The following PRC1 variants were observed in gnomAD, a reference collection of about 807,000 sequenced individuals.
PRC1 encodes the protein anaphase spindle elongation 1 homolog.
A neutral mutation model predicts 91.2 loss-of-function variants in PRC1; 54 were observed. The ratio of observed to expected loss-of-function variants is 0.59; its 90% CI spans 0.48 to 0.74. The LOEUF is 0.74. Ranked by LOEUF, PRC1 falls within the 30% of genes least tolerant of loss-of-function variation. The probability of loss-of-function intolerance (pLI) is 0.00; values close to 1 mark genes in which losing one functional copy is unlikely to be tolerated. For synonymous variants in PRC1, 275 were observed against 263.6 expected (o/e 1.04, Z -0.42); for missense variants, 727 against 746.2 (o/e 0.97, Z 0.30).
chr15:90,984,024 T>C lies in PRC1; in HGVS notation c.261A>G (p.Pro87=). Residue 87 remains proline, a synonymous_variant, in exon 3 of 15, where the codon CCA becomes CCG. Coordinates refer to ENST00000394249, the MANE Select transcript of PRC1 (RefSeq NM_003981.4). The surrounding 1 kb of genome is among the most constrained non-coding windows in gnomAD (Gnocchi z 5.1). ...NTLCSELHVE[P]FQEEGETTIL... is the part of the protein sequence containing the mutation. The stretch of plus-strand genomic sequence containing the variant: ...CCTGTGGGCTGCCACGGACCTGAAA[T>C]GGCTCAACATGTAACTCGCTGCACA... 1.2e-6 allele frequency: 2 copies of C among 1,614,024 alleles called. No individual in the cohort carries two copies. Among genetic ancestry groups the C allele is most frequent in the Non-Finnish European group, 1.7e-6 (2 of 1,179,900 alleles).
intron 14 of PRC1, chr15:90,968,416 C>CT: frequency 1.0e-5 from 10 of 985,876 alleles, no homozygotes; most frequent in Non-Finnish European, 1.2e-5. Context: ...TCAATATCCC[C>CT]TCAAGGGTGA....
intron 1 of PRC1, among the ~76,000 whole-genome samples, chr15:90,986,983 G>C (rs1172381323): frequency 6.6e-6 from 1 of 151,694 alleles, no homozygotes; most frequent in Non-Finnish European, 1.5e-5. Flanking sequence ...TTCAAAAACA[G>C]GCAAAACTGG....
intron 1 of PRC1, among the ~76,000 whole-genome samples, chr15:90,993,430 T>C (rs949020931): frequency 6.6e-6 from 1 of 152,164 alleles, no homozygotes; most frequent in Non-Finnish European, 1.5e-5. Context: ...ATTCTCATTA[T>C]TCTGAGGGCA....
intron 7 of PRC1, among the ~76,000 whole-genome samples, chr15:90,979,553 C>T (rs574795433): frequency 9.9e-5 from 15 of 152,180 alleles, no homozygotes; most frequent in Admixed American, 3.3e-4. Flanking sequence ...TCATCTCTTG[C>T]CTTGTCTTCG....
chr15:90,971,269 A>C (rs886848276), intron 11 of PRC1, among the ~76,000 whole-genome samples: 5 of 152,204 alleles, frequency 3.3e-5, no homozygotes, highest in African/African-American at 9.7e-5. Context: ...GTCAAAACTT[A>C]TTATATGCTA....
At position 90,984,131 on chromosome 15, in the gene PRC1, C is replaced by G; in HGVS notation, c.154G>C (p.Asp52His). Reference sequence around the variant, plus strand: ...CTTTCCTCTTCAGCAATCATCATATCCAGGAGTTCCTACAAGAGGGAAAAC... The same window carrying G: ...CTTTCCTCTTCAGCAATCATCATATGCAGGAGTTCCTACAAGAGGGAAAAC... ...VVKKHIKELL[D>H]MMIAEEESLK... The change falls in exon 3 of 15, where the codon GAT (aspartate) becomes CAT (histidine). Residue 52 changes from aspartate to histidine, a missense_variant. Asp to His is a moderately conservative substitution (Grantham distance 81). Transcript: ENST00000394249. The surrounding 1 kb of genome is among the most constrained non-coding windows in gnomAD (Gnocchi z 5.1). The G allele has an allele frequency of 6.2e-7, 1 of 1,614,076 alleles. No individual in the cohort carries two copies.
At chr15:90,972,185 CAAAAAAA>C (rs79751458) in intron 11 of PRC1, among the ~76,000 whole-genome samples, 1 of 58,628 alleles carries the variant, frequency 1.7e-5, no homozygotes, top group African/African-American at 5.6e-5. Flanking sequence ...TACTGAAACT[CAAAAAAA>C]AAAAAAAAAA....
intron 6 of PRC1, 72 bp downstream of exon 6, chr15:90,980,812 A>G: frequency 6.3e-7 from 1 of 1,594,818 alleles, no homozygotes; most frequent in Non-Finnish European, 8.6e-7. Context: ...GGCCAAATCA[A>G]CAACAGTCTT....
chr15:90,987,664 G>C (rs1358355809), intron 1 of PRC1: 1 of 152,186 alleles, frequency 6.6e-6, no homozygotes, highest in East Asian at 1.9e-4. Context: ...CCTGGCACCA[G>C]AGAAACTACA....
chr15:90,991,326 G>A (rs530915737), intron 1 of PRC1, among the ~76,000 whole-genome samples: 2 of 151,650 alleles, frequency 1.3e-5, no homozygotes, highest in Admixed American at 6.6e-5. Flanking sequence ...TGAGGCAGGA[G>A]AATCACTTGA....
At position 90,974,395 on chromosome 15, in the gene PRC1, C is replaced by A; in HGVS notation, c.1351-149G>T. On this transcript the variant is annotated intron_variant, in intron 10 of 14. Transcript: ENST00000394249. The surrounding 1 kb of genome is among the most constrained non-coding windows in gnomAD (Gnocchi z 4.6). ...GGCTCCCCGTTCCACAAGCCCCGGT[C>A]CCCGGCTCCCCGTTCCACAAGCCCC... 1 of 1,083,936 alleles carries A rather than the reference C, an allele frequency of 9.2e-7. No individual in the cohort carries two copies. Among genetic ancestry groups the A allele is most frequent in the Non-Finnish European group, 1.3e-6 (1 of 758,412 alleles). 67.1% of individuals were successfully genotyped at this position (1,083,936 alleles called of 1,614,324 possible).
rs1419973513 is a variant in PRC1 at position 90,974,168 on chromosome 15, G to A, written c.1429C>T (p.Leu477=). ...GCTTTGCCCGGTGTATTGGGAGCCAGTCCTCGCCGCTTGCTAGGTGTTCGA... is the reference window on the plus strand; with the variant it reads ...GCTTTGCCCGGTGTATTGGGAGCCAATCCTCGCCGCTTGCTAGGTGTTCGA... The part of the protein sequence containing the change: ...APRTPSKRRG[L]APNTPGKARK... Residue 477 remains leucine (L), a synonymous_variant, in exon 11 of 15, where the codon CTG becomes TTG. Coordinates refer to ENST00000394249, the MANE Select transcript of PRC1 (RefSeq NM_003981.4). This position sits in a 1 kb window ranked among gnomAD's most constrained non-coding sequence, Gnocchi z 4.6. 6.2e-7 allele frequency: 1 copy of A among 1,614,164 alleles called. No homozygotes were observed. Among genetic ancestry groups the A allele is most frequent in the African/African-American group, 1.3e-5 (1 of 75,048 alleles).
Position 90,966,712 on chromosome 15 carries a change from T to C in PRC1, c.*419A>G, listed in dbSNP as rs1033055383. On this transcript the variant is annotated 3_prime_UTR_variant, in exon 15 of 15. Transcript: ENST00000394249. The stretch of plus-strand genomic sequence containing the variant: ...AAAGCTATGATAGCTACAGCATTAA[T>C]TGAACATGCCTAAACAAAAAAGATG... The C allele has an allele frequency of 8.2e-5, 37 of 453,426 alleles. No individual in the cohort carries two copies. The highest frequency in any genetic ancestry group is 1.4e-4 in the African/African-American group (7 of 50,038). 28.1% of individuals were successfully genotyped at this position (453,426 alleles called of 1,614,324 possible).
Position 90,981,964 on chromosome 15 carries a change from GGTC to G in PRC1, c.282_284del (p.Thr95del), listed in dbSNP as rs1555454121. 6.2e-7 allele frequency: 1 copy of G among 1,613,808 alleles called. No individual in the cohort carries two copies. Among genetic ancestry groups the G allele is most frequent in the Non-Finnish European group, 8.5e-7 (1 of 1,179,960 alleles). ...GCAAATCTTTTTCTAGTTGCAAGAT[GGTC>G]GTCTCTCCTTCTTCCTGAATAAGAC... On this transcript the variant is annotated inframe_deletion, in exon 4 of 15. Coordinates refer to ENST00000394249, the MANE Select transcript of PRC1 (RefSeq NM_003981.4).
In PRC1 at chr15:90,993,070, C is replaced by CAAAAAAAAA. The variant is rs67427806; in HGVS notation, c.11+1328_11+1336dup. On this transcript the variant is annotated intron_variant, in intron 1 of 14. Coordinates refer to ENST00000394249, the MANE Select transcript of PRC1 (RefSeq NM_003981.4). ...TGGGCGACAGAGTGAGACCCCGTCT[C>CAAAAAAAAA]AAAAAAAAAAAAAAAAAAAAAAAAA... Among the ~76,000 whole-genome samples the CAAAAAAAAA allele has an allele frequency of 1.9e-4, 6 of 30,942 alleles. 1 individual carries two copies. Among genetic ancestry groups the CAAAAAAAAA allele is most frequent in the Non-Finnish European group, 3.2e-4 (5 of 15,506 alleles). 20.3% of individuals were successfully genotyped at this position (30,942 alleles called of 152,430 possible).
At position 90,984,476 on chromosome 15, in the gene PRC1, G is replaced by A. The variant is rs145757000; in HGVS notation, c.144+217C>T. Among the ~76,000 whole-genome samples, 1,309 of 152,146 alleles carry A rather than the reference G, an allele frequency of 8.6e-3. 20 individuals are homozygous for A. The highest frequency in any genetic ancestry group is 0.028 in the African/African-American group (1,175 of 41,494). ...ACTCCTGACCTCAAGCAATCCATGC[G>A]CCTCGGCCTCCCAAAGTGCTGGGAT... On this transcript the variant is annotated intron_variant, in intron 2 of 14. Coordinates refer to ENST00000394249, the MANE Select transcript of PRC1 (RefSeq NM_003981.4). The surrounding 1 kb of genome is among the most constrained non-coding windows in gnomAD (Gnocchi z 5.1).
intron 8 of PRC1, 85 bp downstream of exon 8, chr15:90,979,073 C>G: frequency 6.9e-7 from 1 of 1,446,948 alleles, no homozygotes; most frequent in African/African-American, 1.4e-5. Flanking sequence ...GTATCAAAAG[C>G]CTGGCAAAGA....
chr15:90,976,770 C>G lies in PRC1; in HGVS notation c.1109G>C (p.Arg370Thr). 6.2e-7 allele frequency: 1 copy of G among 1,609,138 alleles called. No individual in the cohort carries two copies. Among genetic ancestry groups the G allele is most frequent in the Non-Finnish European group, 8.5e-7 (1 of 1,176,362 alleles). Reference protein sequence around the residue: ...ETWRLFLEFERKASDPNRFTN... With the variant: ...ETWRLFLEFETKASDPNRFTN... ...AAATCGATTTGGATCTGAAGCTTTT[C>G]TCTGTGAAAAATACATTTTTAATTA... The change falls in exon 9 of 15, where the codon AGA (arginine) becomes ACA (threonine). Residue 370 changes from arginine (R) to threonine (T), a missense_variant and splice_region_variant. Physicochemically the swap from Arg to Thr is moderately conservative, Grantham distance 71 (BLOSUM62 -1). Transcript: ENST00000394249.
intron 9 of PRC1, among the ~76,000 whole-genome samples, chr15:90,975,569 G>T (rs2038606039): frequency 1.0e-5 from 1 of 96,856 alleles, no homozygotes; most frequent in Admixed American, 1.1e-4. Flanking sequence ...GAGCCCACAG[G>T]ACTCTCTCTC....
Sources: allele counts gnomAD v4.1 joint callset (sites outside exome capture counted in the v4.1 genomes callset), GRCh38; gene constraint gnomAD v4.1.1; non-coding constraint Gnocchi (gnomAD v3.1); transcripts MANE v1.5; gene names NCBI Gene and HGNC (gene_info 2026-07-23, HGNC 2026-07-21).